The following AKAP19 variants were observed in gnomAD, a reference collection of about 807,000 sequenced individuals.
The protein encoded by AKAP19 is small A-kinase anchoring protein.
chr2:189,879,747 G>A, the AKAP19 span: 3 of 152,412 alleles, frequency 2.0e-5, no homozygotes, highest in East Asian at 5.8e-4. Flanking sequence ...CGAAGGAAAA[G>A]GAAAGCTTCA....
chr2:190,076,413 C>A, the AKAP19 span, among the ~76,000 whole-genome samples: 1 of 152,124 alleles, frequency 6.6e-6, no homozygotes, highest in African/African-American at 2.4e-5. Flanking sequence ...ATTGAAGTGT[C>A]TATATGATAA....
the AKAP19 span, among the ~76,000 whole-genome samples, chr2:189,992,976 ACTT>A: frequency 6.6e-6 from 1 of 152,136 alleles, no homozygotes. Flanking sequence ...TGACAGTTTG[ACTT>A]CTTCTTTACC....
chr2:190,191,905 CTGTTTTTTTTTCAATCTTTTAACTG>C, the AKAP19 span, among the ~76,000 whole-genome samples: 2 of 150,446 alleles, frequency 1.3e-5, no homozygotes, highest in African/African-American at 4.9e-5. Context: ...TTTATATTTG[CTGTTTTTTTTTCAATCTTTTAACTG>C]TGTTTTTTTT....
chr2:190,038,917 TTCTTC>T, the AKAP19 span, among the ~76,000 whole-genome samples: 2 of 134,506 alleles, frequency 1.5e-5, no homozygotes, highest in African/African-American at 6.1e-5. Context: ...CTTCTTCTTC[TTCTTC>T]TTCTTCTTCT....
the AKAP19 span, among the ~76,000 whole-genome samples, chr2:190,186,201 T>C: frequency 6.6e-6 from 1 of 152,072 alleles, no homozygotes; most frequent in African/African-American, 2.4e-5. This position sits in a 1 kb window ranked among gnomAD's most constrained non-coding sequence, Gnocchi z 5.5. Context: ...ATCCACCCAC[T>C]TTGGCCTCCC....
the AKAP19 span, among the ~76,000 whole-genome samples, chr2:190,091,951 A>G: frequency 6.6e-6 from 1 of 152,150 alleles, no homozygotes. Context: ...TACTCAGTAA[A>G]TAAACAAATT....
At chr2:190,039,115 C>G in the AKAP19 span, among the ~76,000 whole-genome samples, 4 of 151,330 alleles carry the variant, frequency 2.6e-5, no homozygotes, top group Admixed American at 2.6e-4. Flanking sequence ...CTCTGTCCCC[C>G]AGGCTGGAGT....
At chr2:189,889,226 T>C in the AKAP19 span, among the ~76,000 whole-genome samples, 1 of 152,222 alleles carries the variant, frequency 6.6e-6, no homozygotes, top group Non-Finnish European at 1.5e-5. Context: ...GTAAATGTGA[T>C]GGATTACGTT....
chr2:190,123,939 G>T, the AKAP19 span, among the ~76,000 whole-genome samples: 4 of 152,270 alleles, frequency 2.6e-5, no homozygotes, highest in East Asian at 7.7e-4. Flanking sequence ...CTGGAGCTGG[G>T]ATACACTAAT....
the AKAP19 span, among the ~76,000 whole-genome samples, chr2:189,957,528 A>G: frequency 6.6e-6 from 1 of 152,238 alleles, no homozygotes; most frequent in Non-Finnish European, 1.5e-5. Context: ...CCAAAACCAG[A>G]GAAAACAGCC....
chr2:190,091,257 A>G, the AKAP19 span, among the ~76,000 whole-genome samples: 1 of 152,248 alleles, frequency 6.6e-6, no homozygotes, highest in Non-Finnish European at 1.5e-5. Context: ...ACATGTCTAC[A>G]TTCAGGGACT....
chr2:190,158,879 T>C, the AKAP19 span, among the ~76,000 whole-genome samples: 1 of 152,154 alleles, frequency 6.6e-6, no homozygotes, highest in Non-Finnish European at 1.5e-5. Flanking sequence ...TGCTATCCAT[T>C]TGGAGAGAAG....
the AKAP19 span, chr2:190,200,063 A>C: frequency 5.6e-6 from 9 of 1,614,102 alleles, no homozygotes; most frequent in Non-Finnish European, 6.8e-6. Flanking sequence ...CTGTCTCAGG[A>C]TATCTTGTGT....
the AKAP19 span, among the ~76,000 whole-genome samples, chr2:190,163,710 A>C: frequency 2.0e-5 from 3 of 152,240 alleles, no homozygotes; most frequent in Non-Finnish European, 4.4e-5. Flanking sequence ...GGATACATAC[A>C]TAAAATGTAG....
At chr2:189,943,643 T>G in the AKAP19 span, among the ~76,000 whole-genome samples, 3 of 152,200 alleles carry the variant, frequency 2.0e-5, no homozygotes, top group Non-Finnish European at 4.4e-5. Context: ...GCTTGCACCC[T>G]GAACCTGGAA....
the AKAP19 span, among the ~76,000 whole-genome samples, chr2:190,043,610 A>G: frequency 6.6e-6 from 1 of 151,950 alleles, no homozygotes; most frequent in Non-Finnish European, 1.5e-5. Context: ...TGTGATTCAT[A>G]TTTTCCTGGG....
At chr2:190,098,751 C>T in the AKAP19 span, among the ~76,000 whole-genome samples, 1 of 152,180 alleles carries the variant, frequency 6.6e-6, no homozygotes, top group African/African-American at 2.4e-5. Context: ...GCTGTCTCAT[C>T]TACATTGAAA....
the AKAP19 span, among the ~76,000 whole-genome samples, chr2:189,947,491 G>A: frequency 2.6e-5 from 4 of 152,010 alleles, no homozygotes; most frequent in African/African-American, 9.7e-5. Context: ...TTAATGAAAA[G>A]GCAATAATGA....
chr2:190,020,955 T>A, the AKAP19 span, among the ~76,000 whole-genome samples: 6 of 152,210 alleles, frequency 3.9e-5, no homozygotes, highest in Non-Finnish European at 5.9e-5. Flanking sequence ...TATATTAGCA[T>A]AACCTTGTAT....
Sources: allele counts gnomAD v4.1 joint callset (sites outside exome capture counted in the v4.1 genomes callset), GRCh38; gene constraint gnomAD v4.1.1; non-coding constraint Gnocchi (gnomAD v3.1); transcripts MANE v1.5; gene names NCBI Gene and HGNC (gene_info 2026-07-23, HGNC 2026-07-21).